The following CELF2 variants were observed in gnomAD, a reference collection of about 807,000 sequenced individuals.
CELF2 encodes the protein CUG triplet repeat RNA-binding protein 2.
Under a neutral mutation model 62.6 loss-of-function variants are expected in CELF2, and 8 were observed. The observed-to-expected ratio is 0.13, with a 90% CI of 0.07 to 0.23. CELF2 has a LOEUF of 0.23. Ranked by LOEUF, CELF2 falls within the 10% of genes least tolerant of loss-of-function variation. The pLI, the probability that CELF2 is intolerant of heterozygous loss-of-function variation, is 1.00. For synonymous variants in CELF2, 258 were observed against 250.0 expected (o/e 1.03, Z -0.30); for missense variants, 333 against 671.0 (o/e 0.50, Z 5.56).
chr10:10,767,765 G>A, the CELF2 span, among the ~76,000 whole-genome samples: 1 of 152,178 alleles, frequency 6.6e-6, no homozygotes, highest in Admixed American at 6.5e-5. Flanking sequence ...GGGAGGCCGA[G>A]GCGGGTGGAT....
At chr10:10,782,096 G>A in the CELF2 span, among the ~76,000 whole-genome samples, 2 of 152,170 alleles carry the variant, frequency 1.3e-5, no homozygotes, top group South Asian at 4.1e-4. Flanking sequence ...AGGAATTTCA[G>A]CATCCTCCAA....
intron 1 of CELF2, among the ~76,000 whole-genome samples, chr10:11,065,778 A>G (rs559259946): frequency 9.9e-5 from 15 of 152,272 alleles, no homozygotes; most frequent in African/African-American, 3.1e-4. Flanking sequence ...AGAAGGTACT[A>G]TGGTCAGGGT....
rs943610100 is a variant in CELF2 at position 11,032,025 on chromosome 10, C to T, written c.74+13862C>T. Among the ~76,000 whole-genome samples the T allele has an allele frequency of 2.0e-5, 3 of 151,778 alleles. 1 individual carries two copies. The highest frequency in any genetic ancestry group is 2.0e-4 in the Admixed American group (3 of 15,198). ...GAAACAAACACAATTTGATTTAGAT[C>T]GAAGCATGATAGGCAAAGTTGAGAA... On this transcript the variant is annotated intron_variant, in intron 1 of 12. Coordinates refer to ENST00000633077, the MANE Select transcript of CELF2 (RefSeq NM_001326342.2).
intron 1 of CELF2, among the ~76,000 whole-genome samples, chr10:11,025,632 G>C (rs766361755): frequency 1.4e-4 from 21 of 152,110 alleles, no homozygotes; most frequent in Non-Finnish European, 2.8e-4. Flanking sequence ...GTTCTTTATA[G>C]CAGTTTGAAA....
intron 4 of CELF2, among the ~76,000 whole-genome samples, chr10:11,252,731 G>A (rs1347844196): frequency 6.6e-6 from 1 of 152,152 alleles, no homozygotes; most frequent in Non-Finnish European, 1.5e-5. Context: ...GCGGCATCGT[G>A]TTTTCCATCC....
intron 2 of CELF2, among the ~76,000 whole-genome samples, chr10:10,975,114 T>C (rs2051177261): frequency 6.6e-6 from 1 of 152,132 alleles, no homozygotes; most frequent in Non-Finnish European, 1.5e-5. Context: ...GCTATGTGAC[T>C]TGGAACACAT....
chr10:10,668,196 A>G, the CELF2 span, among the ~76,000 whole-genome samples: 1 of 152,242 alleles, frequency 6.6e-6, no homozygotes, highest in South Asian at 2.1e-4. Flanking sequence ...TAAAATGTAC[A>G]ATGCAGTACT....
intron 5 of CELF2, among the ~76,000 whole-genome samples, chr10:11,261,947 A>C (rs74847921): frequency 0.02 from 3,087 of 152,246 alleles, 111 homozygotes; most frequent in African/African-American, 0.069. Flanking sequence ...ACTTACCCAC[A>C]ATCCCACAGT....
chr10:10,469,226 A>G, the CELF2 span, among the ~76,000 whole-genome samples: 1 of 151,876 alleles, frequency 6.6e-6, no homozygotes, highest in Non-Finnish European at 1.5e-5. Context: ...TAAAATTCTT[A>G]TTAGGATTTT....
chr10:11,019,464 A>G (rs2057936318), intron 1 of CELF2, among the ~76,000 whole-genome samples: 1 of 152,066 alleles, frequency 6.6e-6, no homozygotes, highest in Non-Finnish European at 1.5e-5. Context: ...TTTATGATCC[A>G]TTTCCCTGGC....
the CELF2 span, among the ~76,000 whole-genome samples, chr10:10,700,397 C>T: frequency 1.3e-5 from 2 of 152,188 alleles, no homozygotes; most frequent in African/African-American, 2.4e-5. Context: ...TACCAAAATA[C>T]AACAGATTGT....
At chr10:10,574,301 T>C in the CELF2 span, among the ~76,000 whole-genome samples, 1 of 152,102 alleles carries the variant, frequency 6.6e-6, no homozygotes, top group Non-Finnish European at 1.5e-5. Context: ...TAGGACCAAC[T>C]GATGACAAAG....
At chr10:10,774,645 G>A in the CELF2 span, among the ~76,000 whole-genome samples, 2 of 152,130 alleles carry the variant, frequency 1.3e-5, no homozygotes, top group East Asian at 3.9e-4. Flanking sequence ...AGCAGATGGC[G>A]CAGTGCTTCC....
intron 1 of CELF2, among the ~76,000 whole-genome samples, chr10:10,877,020 G>C (rs112196397): frequency 2.6e-5 from 4 of 152,344 alleles, no homozygotes; most frequent in African/African-American, 9.6e-5. Flanking sequence ...AGTACTGGCA[G>C]TGTTAGCGTC....
intron 1 of CELF2, among the ~76,000 whole-genome samples, chr10:11,161,887 C>T (rs1041856261): frequency 2.6e-5 from 4 of 152,102 alleles, no homozygotes; most frequent in African/African-American, 9.7e-5. Flanking sequence ...CAGGTACCTC[C>T]AAAGGTTTAA....
At chr10:10,687,284 C>T in the CELF2 span, among the ~76,000 whole-genome samples, 1 of 152,174 alleles carries the variant, frequency 6.6e-6, no homozygotes, top group Non-Finnish European at 1.5e-5. Flanking sequence ...AGATTTGCTA[C>T]TGAAATTAAC....
intron 1 of CELF2, among the ~76,000 whole-genome samples, chr10:11,091,654 G>A (rs1232208061): frequency 2.0e-5 from 3 of 152,164 alleles, no homozygotes; most frequent in East Asian, 1.9e-4. Flanking sequence ...AGGCGAACCC[G>A]AATTTTTTTC....
chr10:11,276,266 C>T (rs2086090366), intron 8 of CELF2, among the ~76,000 whole-genome samples: 1 of 152,272 alleles, frequency 6.6e-6, no homozygotes. Flanking sequence ...AGCTCATCAG[C>T]TGATGGTCTT....
the CELF2 span, among the ~76,000 whole-genome samples, chr10:10,590,460 T>C: frequency 6.6e-6 from 1 of 152,202 alleles, no homozygotes; most frequent in South Asian, 2.1e-4. Flanking sequence ...AGTTGTATAA[T>C]AAAAGGCACA....
Sources: allele counts gnomAD v4.1 joint callset (sites outside exome capture counted in the v4.1 genomes callset), GRCh38; gene constraint gnomAD v4.1.1; transcripts MANE v1.5; gene names NCBI Gene and HGNC (gene_info 2026-07-23, HGNC 2026-07-21).